PRRG2: variants seen among roughly 807,000 people sequenced by gnomAD.
The protein encoded by PRRG2 is transmembrane gamma-carboxyglutamic acid protein 2.
In PRRG2, 23 loss-of-function variants were observed where a neutral mutation model predicts 27.1. The observed-to-expected ratio is 0.85, with a 90% CI of 0.61 to 1.20. PRRG2 has a LOEUF of 1.20. Ranked by LOEUF, PRRG2 falls within the 50% of genes most tolerant of loss-of-function variation. The pLI, the probability that PRRG2 is intolerant of heterozygous loss-of-function variation, is 0.00. For synonymous variants in PRRG2, 104 were observed against 103.4 expected, an observed-to-expected ratio of 1.01 and a Z score of -0.03; for missense variants, 276 against 254.8, an observed-to-expected ratio of 1.08 and a Z score of -0.57.
intron 2 of PRRG2, 50 bp from the exon 3 acceptor site, chr19:49,583,492 C>T (rs776708647): frequency 1.9e-6 from 3 of 1,595,206 alleles, no homozygotes; most frequent in Non-Finnish European, 2.6e-6. Flanking sequence ...CCCTATGACT[C>T]CAGCCCTAGG....
chr19:49,583,576 C>G lies in PRRG2; in HGVS notation c.120C>G (p.Phe40Leu), dbSNP rs1422974638. Residue 40 changes from phenylalanine (F) to leucine (L), a missense_variant, in exon 3 of 7, where the codon TTC becomes TTG. Phe to Leu is a conservative substitution (Grantham distance 22). Transcript: ENST00000246794. ...TGGGTCCCCCAGAGGCCCAGAGCTTCCTGAGTAGCCATACCCGGATTCCAA... is the reference window on the plus strand; with the variant it reads ...TGGGTCCCCCAGAGGCCCAGAGCTTGCTGAGTAGCCATACCCGGATTCCAA... ...VFLGPPEAQS[F>L]LSSHTRIPRA... The G allele has an allele frequency of 6.2e-7, 1 of 1,614,204 alleles. No individual in the cohort carries two copies. The highest frequency in any genetic ancestry group is 1.1e-5 in the South Asian group (1 of 91,084).
In PRRG2 at chr19:49,590,348, C is replaced by T. The variant is rs770071094; in HGVS notation, c.591-23C>T. ...GAAAAACAGCCAGATCTTTGACTCC[C>T]TAGTGTGCCTTTCCTCTTGCAGCCT... is the stretch of plus-strand genomic sequence containing the variant. On this transcript the variant is annotated intron_variant, in intron 6 of 6. Coordinates refer to ENST00000246794, the MANE Select transcript of PRRG2 (RefSeq NM_000951.3). The T allele has an allele frequency of 2.0e-5, 33 of 1,613,982 alleles. No individual in the cohort carries two copies. The African/African-American group carries it at 2.1e-4, about 10-fold the overall frequency.
intron 1 of PRRG2, among the ~76,000 whole-genome samples, chr19:49,582,306 C>T (rs893221535): frequency 2.0e-5 from 3 of 149,392 alleles, no homozygotes; most frequent in Non-Finnish European, 4.4e-5. Context: ...CATGGAATCT[C>T]GCTCTGTCAC....
chr19:49,588,405 G>A, intron 4 of PRRG2, 92 bp from the exon 5 acceptor site: 2 of 1,507,334 alleles, frequency 1.3e-6, no homozygotes, highest in Non-Finnish European at 1.8e-6. Flanking sequence ...CTGCTTCCGG[G>A]TCCATTCTCT....
intron 5 of PRRG2, 31 bp downstream of exon 5, chr19:49,588,663 G>C (rs1393120536): frequency 1.3e-6 from 2 of 1,514,048 alleles, no homozygotes; most frequent in South Asian, 1.2e-5. Context: ...AGGGGGTGGT[G>C]GTGGAGAGCA....
At position 49,589,960 on chromosome 19, in the gene PRRG2, T is replaced by G; in HGVS notation, c.498T>G (p.Pro166=). The G allele has an allele frequency of 1.3e-6, 2 of 1,566,112 alleles. No homozygotes were observed. The highest frequency in any genetic ancestry group is 1.7e-6 in the Non-Finnish European group (2 of 1,150,746). ...CTCTGGGCCCACCGACGCCCCTGCC[T>G]CCACCCCCACCCCCACCCCCAGGCC... is the stretch of plus-strand genomic sequence containing the variant. ...LNPLGPPTPL[P]PPPPPPPGLP... The change falls in exon 6 of 7, where the codon CCT becomes CCG. Residue 166 remains proline (P), a synonymous_variant. Transcript: ENST00000246794.
At position 49,590,408 on chromosome 19, in the gene PRRG2, C is replaced by G. The variant is rs770199457; in HGVS notation, c.*19C>G. 6.2e-7 allele frequency: 1 copy of G among 1,614,076 alleles called. No homozygotes were observed. Among genetic ancestry groups the G allele is most frequent in the Admixed American group, 1.7e-5 (1 of 59,998 alleles). On this transcript the variant is annotated 3_prime_UTR_variant, in exon 7 of 7. Coordinates refer to ENST00000246794, the MANE Select transcript of PRRG2 (RefSeq NM_000951.3). ...TCACTGAAGAGCTGCTTTCGAGACC[C>G]GGCTCTCCGAACCGTGCCCCTGATT...
chr19:49,590,029 C>T lies in PRRG2; in HGVS notation c.567C>T (p.Asp189=), dbSNP rs761899300. ...CGCTGGCAGCCTCTGGGGTACACGACGCACCTCCACCCCCCTACACCAGGT... is the reference window on the plus strand; with the variant it reads ...CGCTGGCAGCCTCTGGGGTACACGATGCACCTCCACCCCCCTACACCAGGT... ...EQALAASGVH[D]APPPPYTSLR... is the part of the protein sequence containing the mutation. Residue 189 remains aspartate, a synonymous_variant, in exon 6 of 7, where the codon GAC becomes GAT. Transcript: ENST00000246794. 7 of 1,524,332 alleles carry T rather than the reference C, an allele frequency of 4.6e-6. No homozygotes were observed. Among genetic ancestry groups the T allele is most frequent in the South Asian group, 1.2e-5 (1 of 82,922 alleles). 94.4% of individuals were successfully genotyped at this position (1,524,332 alleles called of 1,614,324 possible).
chr19:49,583,927 G>A lies in PRRG2; in HGVS notation c.276G>A (p.Glu92=). Residue 92 remains glutamate (E), a synonymous_variant, in exon 4 of 7, where the codon GAG becomes GAA. Coordinates refer to ENST00000246794, the MANE Select transcript of PRRG2 (RefSeq NM_000951.3). ...TCCCCCTCAAGGAGCGCTTTTGGGA[G>A]AGCTACATCTACAATGGCAAAGGAG... The part of the protein sequence containing the change: ...EDNTLTERFW[E]SYIYNGKGGR... 1 of 1,613,900 alleles carries A rather than the reference G, an allele frequency of 6.2e-7. No individual in the cohort carries two copies. The highest frequency in any genetic ancestry group is 8.5e-7 in the Non-Finnish European group (1 of 1,179,890).
chr19:49,586,946 T>C (rs1308721874), intron 4 of PRRG2, among the ~76,000 whole-genome samples: 1 of 152,028 alleles, frequency 6.6e-6, no homozygotes, highest in African/African-American at 2.4e-5. Context: ...GTGGATTGCT[T>C]GAGCCTAGGA....
intron 2 of PRRG2, 107 bp downstream of exon 2, chr19:49,583,411 C>T: frequency 1.3e-6 from 2 of 1,508,528 alleles, no homozygotes; most frequent in Non-Finnish European, 1.8e-6. Flanking sequence ...CCAGCCCCTT[C>T]CTCCTTCAGA....
At position 49,590,880 on chromosome 19, in the gene PRRG2, T is replaced by C. The variant is rs535463961; in HGVS notation, c.*491T>C. ...GGGGCATATTTGCAAGCGCGCTCGG[T>C]GCGGGCAGGCTCGCATTGCACCCAG... On this transcript the variant is annotated 3_prime_UTR_variant, in exon 7 of 7. Coordinates refer to ENST00000246794, the MANE Select transcript of PRRG2 (RefSeq NM_000951.3). 324 of 165,918 alleles carry C rather than the reference T, an allele frequency of 2.0e-3. No individual in the cohort carries two copies. Among genetic ancestry groups the C allele is most frequent in the Non-Finnish European group, 3.2e-3 (247 of 76,814 alleles). 10.3% of individuals were successfully genotyped at this position (165,918 alleles called of 1,614,324 possible). A position where few individuals can be genotyped will look rare whatever the true frequency, so the allele number is the denominator to read the frequency against.
At chr19:49,585,805 C>T (rs1489424648) in intron 4 of PRRG2, among the ~76,000 whole-genome samples, 3 of 149,692 alleles carry the variant, frequency 2.0e-5, no homozygotes, top group South Asian at 2.1e-4. Flanking sequence ...AATGGCTGGG[C>T]GCGGTGGCTC....
chr19:49,589,655 TAA>T (rs1170283484), intron 5 of PRRG2, among the ~76,000 whole-genome samples: 1 of 151,920 alleles, frequency 6.6e-6, no homozygotes, highest in Non-Finnish European at 1.5e-5. Context: ...TGTGTCTGAA[TAA>T]GAGTGTGTCT....
chr19:49,583,749 C>T, intron 3 of PRRG2, 32 bp downstream of exon 3: 1 of 1,611,674 alleles, frequency 6.2e-7, no homozygotes, highest in Non-Finnish European at 8.5e-7. Context: ...AGTTTCGGGC[C>T]CTCTCTCTTC....
intron 1 of PRRG2, among the ~76,000 whole-genome samples, chr19:49,582,854 C>T (rs1568415682): frequency 1.3e-5 from 2 of 151,268 alleles, no homozygotes; most frequent in South Asian, 2.1e-4. Flanking sequence ...GGTGACAGAG[C>T]GAGACTCTGT....
At chr19:49,583,083 G>T in intron 1 of PRRG2, 124 bp from the exon 2 acceptor site, 1 of 708,542 alleles carries the variant, frequency 1.4e-6, no homozygotes. Context: ...ATCTGGCACA[G>T]AATACAGGCT....
chr19:49,588,745 T>C, intron 5 of PRRG2, 113 bp downstream of exon 5: 1 of 1,285,632 alleles, frequency 7.8e-7, no homozygotes, highest in Non-Finnish European at 1.0e-6. Context: ...ATGAAAGACC[T>C]AAGGACACAG....
Position 49,583,917 on chromosome 19 carries a change from G to A in PRRG2, c.266G>A (p.Arg89His), listed in dbSNP as rs767171902. ...EYFEDNTLTE[R>H]FWESYIYNGK... The stretch of plus-strand genomic sequence containing the variant: ...TTCCACTCCTTCCCCCTCAAGGAGC[G>A]CTTTTGGGAGAGCTACATCTACAAT... The change falls in exon 4 of 7, where the codon CGC (arginine) becomes CAC (histidine). Residue 89 changes from arginine (R) to histidine (H), a missense_variant. Transcript: ENST00000246794. 3.3e-5 allele frequency: 54 copies of A among 1,613,862 alleles called. No individual in the cohort carries two copies. Among genetic ancestry groups the A allele is most frequent in the South Asian group, 3.0e-4 (27 of 91,060 alleles).
Sources: gnomAD v4.1 joint callset for allele counts (sites outside exome capture counted in the v4.1 genomes callset) on GRCh38, gnomAD v4.1.1 for gene constraint, MANE v1.5 for transcripts, NCBI Gene and HGNC (gene_info 2026-07-23, HGNC 2026-07-21) for gene names.